The following ZMAT3 variants were observed in gnomAD, a reference collection of about 807,000 sequenced individuals.
ZMAT3 encodes the protein zinc finger matrin-type protein 3.
A neutral mutation model predicts 32.3 loss-of-function variants in ZMAT3; 17 were observed. That is an observed-to-expected ratio of 0.53 (90% CI 0.36 to 0.79). The LOEUF (loss-of-function observed/expected upper bound fraction) is 0.79, where lower values mean the gene tolerates loss of function less well. Among genes scored for constraint, ZMAT3 ranks in the 30% least tolerant of loss-of-function variants. The pLI, the probability that ZMAT3 is intolerant of heterozygous loss-of-function variation, is 0.00. For synonymous variants in ZMAT3, 120 were observed against 133.1 expected, an observed-to-expected ratio of 0.90 and a Z score of 0.68; for missense variants, 329 against 359.7, an observed-to-expected ratio of 0.91 and a Z score of 0.69.
chr3:179,028,965 G>C (rs1719033306), intron 3 of ZMAT3, among the ~76,000 whole-genome samples: 1 of 152,068 alleles, frequency 6.6e-6, no homozygotes, highest in East Asian at 1.9e-4. Flanking sequence ...TTCAAGACCA[G>C]CCTGGCCAAC....
chr3:179,030,067 G>A (rs1719094224), intron 3 of ZMAT3, among the ~76,000 whole-genome samples: 2 of 152,156 alleles, frequency 1.3e-5, no homozygotes, highest in South Asian at 4.1e-4. Flanking sequence ...ATGTTTCAGA[G>A]GCTACTAAGG....
At chr3:179,054,831 C>T (rs183241756) in intron 2 of ZMAT3, among the ~76,000 whole-genome samples, 1 of 152,318 alleles carries the variant, frequency 6.6e-6, no homozygotes, top group Admixed American at 6.5e-5. Flanking sequence ...ATTGCTGCTC[C>T]CAATTGGGCT....
At chr3:179,070,130 A>G (rs1020616243) in intron 1 of ZMAT3, among the ~76,000 whole-genome samples, 1 of 152,218 alleles carries the variant, frequency 6.6e-6, no homozygotes, top group African/African-American at 2.4e-5. Context: ...GGGTGTCAAA[A>G]CCTCTGGATA....
chr3:179,024,878 C>A lies in ZMAT3; in HGVS notation c.*139G>T. On this transcript the variant is annotated 3_prime_UTR_variant, in exon 6 of 6. Coordinates refer to ENST00000311417, the MANE Select transcript of ZMAT3 (RefSeq NM_022470.4). ...CCCCCGGGCCCCCAGGTTTTGACAT[C>A]TCATGGTACCACTGTGGGTTACATG... 31 of 608,166 alleles carry A rather than the reference C, an allele frequency of 5.1e-5. No individual in the cohort carries two copies. The highest frequency in any genetic ancestry group is 8.1e-5 in the East Asian group (2 of 24,844). 37.7% of individuals were successfully genotyped at this position (608,166 alleles called of 1,614,324 possible).
intron 2 of ZMAT3, among the ~76,000 whole-genome samples, chr3:179,041,933 A>T (rs1194068058): frequency 6.6e-6 from 1 of 152,204 alleles, no homozygotes; most frequent in Non-Finnish European, 1.5e-5. Flanking sequence ...AATACAAACT[A>T]CCATCAGTGA....
At chr3:179,043,355 T>C (rs1481111266) in intron 2 of ZMAT3, among the ~76,000 whole-genome samples, 3 of 152,190 alleles carry the variant, frequency 2.0e-5, no homozygotes, top group Admixed American at 6.5e-5. Context: ...CAAAACAGCA[T>C]GGTACTGGTA....
chr3:179,068,525 A>T (rs1279039726), intron 1 of ZMAT3, among the ~76,000 whole-genome samples: 1 of 151,808 alleles, frequency 6.6e-6, no homozygotes, highest in Non-Finnish European at 1.5e-5. Flanking sequence ...AAAAAAAAAG[A>T]CCACCAGCTA....
chr3:179,024,789 T>G lies in ZMAT3; in HGVS notation c.*228A>C. The G allele has an allele frequency of 3.8e-6, 2 of 524,610 alleles. No homozygotes were observed. The highest frequency in any genetic ancestry group is 2.2e-5 in the South Asian group (1 of 45,802). The allele number at this position is 524,610 out of a possible 1,614,324, so 32.5% of individuals were successfully genotyped here. A position where few individuals can be genotyped will look rare whatever the true frequency, so the allele number is the denominator to read the frequency against. ...ACATGCTATGAGCGGCTCAACACCATTGACCCTGCAAAAGCGTTATGACCT... is the reference window on the plus strand; with the variant it reads ...ACATGCTATGAGCGGCTCAACACCAGTGACCCTGCAAAAGCGTTATGACCT... On this transcript the variant is annotated 3_prime_UTR_variant, in exon 6 of 6. Transcript: ENST00000311417.
intron 2 of ZMAT3, 34 bp from the exon 3 acceptor site, chr3:179,031,033 A>G (rs372815864): frequency 6.3e-7 from 1 of 1,577,090 alleles, no homozygotes; most frequent in Non-Finnish European, 8.6e-7. Flanking sequence ...ACAGCAGTCC[A>G]CCCTTATCTG....
At chr3:179,055,684 C>T (rs1302874440) in intron 2 of ZMAT3, among the ~76,000 whole-genome samples, 1 of 152,138 alleles carries the variant, frequency 6.6e-6, no homozygotes, top group Non-Finnish European at 1.5e-5. Flanking sequence ...TAAAATAGAC[C>T]TAGGTAAATT....
chr3:179,065,001 A>T (rs1721332818), intron 2 of ZMAT3, among the ~76,000 whole-genome samples: 1 of 152,164 alleles, frequency 6.6e-6, no homozygotes, highest in Admixed American at 6.5e-5. Flanking sequence ...CTGTATTTTT[A>T]CACATGAACT....
intron 2 of ZMAT3, among the ~76,000 whole-genome samples, chr3:179,051,113 C>G (rs1240150724): frequency 6.6e-6 from 1 of 152,128 alleles, no homozygotes; most frequent in Non-Finnish European, 1.5e-5. Flanking sequence ...TTCTATTCAC[C>G]CTAGTACTGG....
chr3:179,062,808 G>A (rs370988594), intron 2 of ZMAT3, among the ~76,000 whole-genome samples: 26 of 152,082 alleles, frequency 1.7e-4, no homozygotes, highest in African/African-American at 6.3e-4. Context: ...AGACTATCTC[G>A]GGAGAACAAT....
Position 179,024,932 on chromosome 3 carries a change from A to G in ZMAT3, c.*85T>C, listed in dbSNP as rs960466279. 7.0e-6 allele frequency: 9 copies of G among 1,282,336 alleles called. No individual in the cohort carries two copies. Among genetic ancestry groups the G allele is most frequent in the Admixed American group, 3.4e-5 (2 of 59,262 alleles). 79.4% of individuals were successfully genotyped at this position (1,282,336 alleles called of 1,614,324 possible). On this transcript the variant is annotated 3_prime_UTR_variant, in exon 6 of 6. Coordinates refer to ENST00000311417, the MANE Select transcript of ZMAT3 (RefSeq NM_022470.4). ...TAACATTAAGCAGAGGAATGTACTC[A>G]TATCAAAAAGACCACAAAGCAGGGC...
At chr3:179,037,242 C>T (rs921546075) in intron 2 of ZMAT3, among the ~76,000 whole-genome samples, 4 of 152,166 alleles carry the variant, frequency 2.6e-5, no homozygotes, top group Non-Finnish European at 5.9e-5. Flanking sequence ...GTAACATGCC[C>T]CTGTTCGCCA....
intron 5 of ZMAT3, 47 bp from the exon 6 acceptor site, chr3:179,025,275 A>G (rs868565568): frequency 7.0e-7 from 1 of 1,428,404 alleles, no homozygotes; most frequent in Middle Eastern, 1.9e-4. Context: ...TCATTAAGTG[A>G]ATGACAACCT....
In ZMAT3 at chr3:179,022,515, A is replaced by C. The variant is rs1031927582; in HGVS notation, c.*2502T>G. ...CATAGAACCAAGCGGCCAGCACTAT[A>C]ATGTTAAAATTAACCAAAAAATTAT... On this transcript the variant is annotated 3_prime_UTR_variant, in exon 6 of 6. Coordinates refer to ENST00000311417, the MANE Select transcript of ZMAT3 (RefSeq NM_022470.4). 3.9e-4 allele frequency: 59 copies of C among 152,100 alleles called. No homozygotes were observed. The highest frequency in any genetic ancestry group is 1.4e-3 in the African/African-American group (57 of 41,418). 9.4% of individuals were successfully genotyped at this position (152,100 alleles called of 1,614,324 possible). A position where few individuals can be genotyped will look rare whatever the true frequency, so the allele number is the denominator to read the frequency against.
intron 2 of ZMAT3, among the ~76,000 whole-genome samples, chr3:179,057,081 G>A (rs560524778): frequency 2.0e-5 from 3 of 152,238 alleles, no homozygotes; most frequent in Admixed American, 6.5e-5. Flanking sequence ...ACCAAAAGCA[G>A]TACCCCCTTA....
Position 179,060,924 on chromosome 3 carries a change from G to C in ZMAT3, c.270+6559C>G, listed in dbSNP as rs962406219. 2.6e-5 allele frequency among the ~76,000 whole-genome samples: 4 copies of C among 152,120 alleles called. No individual in the cohort carries two copies. The South Asian group carries it at 8.3e-4, about 32-fold the overall frequency. On this transcript the variant is annotated intron_variant, in intron 2 of 5. Coordinates refer to ENST00000311417, the MANE Select transcript of ZMAT3 (RefSeq NM_022470.4). ...ATTAGATAAAAACAGAAAATAGAGGGCAGCTGTTAACATTCCAAAGAAAAA... is the reference window on the plus strand; with the variant it reads ...ATTAGATAAAAACAGAAAATAGAGGCCAGCTGTTAACATTCCAAAGAAAAA...
Sources: allele counts gnomAD v4.1 joint callset (sites outside exome capture counted in the v4.1 genomes callset), GRCh38; gene constraint gnomAD v4.1.1; transcripts MANE v1.5; gene names NCBI Gene and HGNC (gene_info 2026-07-23, HGNC 2026-07-21).